PCLO: variants seen among roughly 807,000 people sequenced by gnomAD.
The protein encoded by PCLO is protein piccolo.
Under a neutral mutation model 427.5 loss-of-function variants are expected in PCLO, and 82 were observed. The ratio of observed to expected loss-of-function variants is 0.19; its 90% CI spans 0.16 to 0.23. The LOEUF (loss-of-function observed/expected upper bound fraction) is 0.23, where lower values mean the gene tolerates loss of function less well. Ranked by LOEUF, PCLO falls within the 10% of genes least tolerant of loss-of-function variation. The pLI, the probability that PCLO is intolerant of heterozygous loss-of-function variation, is 1.00. For missense variants in PCLO, 6,239 were observed against 6,115.9 expected, an observed-to-expected ratio of 1.02 and a Z score of -0.67; for synonymous variants, 2,357 against 2,155.4, an observed-to-expected ratio of 1.09 and a Z score of -2.59.
intron 3 of PCLO, among the ~76,000 whole-genome samples, chr7:83,085,144 T>C (rs950063574): frequency 9.9e-5 from 15 of 152,114 alleles, no homozygotes; most frequent in African/African-American, 3.1e-4. Context: ...AGCACAACTT[T>C]ACATAAGCCA....
At chr7:82,815,540 A>G (rs1312600403) in intron 20 of PCLO, among the ~76,000 whole-genome samples, 1 of 152,172 alleles carries the variant, frequency 6.6e-6, no homozygotes, top group Non-Finnish European at 1.5e-5. Context: ...AGTGTGATCT[A>G]TAGAACTTGA....
rs756108134 is a variant in PCLO at position 82,955,603 on chromosome 7, C to A, written c.5350G>T (p.Glu1784Ter). The A allele has an allele frequency of 1.9e-6, 3 of 1,613,822 alleles. No homozygotes were observed. Among genetic ancestry groups the A allele is most frequent in the Non-Finnish European group, 1.7e-6 (2 of 1,179,830 alleles). The change falls in exon 5 of 25, where the codon GAA becomes TAA. Residue 1784 changes from glutamate to a stop codon, truncating the protein, a stop_gained. Transcript: ENST00000333891. LOFTEE classifies it high-confidence loss of function. ...TGCTTTTCTTGCTCCTTTAATAATTCTTCTTCCTCTCTCAATTCTTCTTCC... is the reference window on the plus strand; with the variant it reads ...TGCTTTTCTTGCTCCTTTAATAATTATTCTTCCTCTCTCAATTCTTCTTCC... ...SEEEELREEEELLKEQEKQRE... is the reference protein window; with the variant it reads ...SEEEELREEE
intron 3 of PCLO, among the ~76,000 whole-genome samples, chr7:83,003,287 T>G (rs968512818): frequency 1.3e-5 from 2 of 151,694 alleles, no homozygotes; most frequent in Non-Finnish European, 2.9e-5. Context: ...AAAGTTTTTA[T>G]AAAATAAACT....
At chr7:83,046,636 A>C (rs1242560593) in intron 3 of PCLO, among the ~76,000 whole-genome samples, 1 of 152,048 alleles carries the variant, frequency 6.6e-6, no homozygotes, top group East Asian at 1.9e-4. Flanking sequence ...ATATGAATAC[A>C]TACATATCTT....
intron 3 of PCLO, among the ~76,000 whole-genome samples, chr7:83,062,103 T>C (rs1789556940): frequency 1.3e-5 from 2 of 152,148 alleles, no homozygotes; most frequent in Admixed American, 6.5e-5. Flanking sequence ...TTGGATATGT[T>C]AAATATGGAT....
intron 3 of PCLO, among the ~76,000 whole-genome samples, chr7:82,998,835 A>C (rs1472638400): frequency 6.6e-6 from 1 of 151,894 alleles, no homozygotes; most frequent in Non-Finnish European, 1.5e-5. Flanking sequence ...GAAAAGACAG[A>C]GCAAGCACAA....
At chr7:82,899,517 A>G (rs1055061642) in intron 9 of PCLO, among the ~76,000 whole-genome samples, 1 of 151,518 alleles carries the variant, frequency 6.6e-6, no homozygotes, top group African/African-American at 2.4e-5. Flanking sequence ...AGACATATGG[A>G]AAATATATTC....
intron 3 of PCLO, among the ~76,000 whole-genome samples, chr7:82,994,617 GTA>G (rs71522636): frequency 2.0e-5 from 3 of 150,040 alleles, no homozygotes; most frequent in African/African-American, 4.9e-5. Context: ...TTCATAGTAG[GTA>G]TATATATATA....
rs1312956663 is a variant in PCLO, at chr7:82,879,410, A to G, written c.13581T>C (p.Ser4527=). Residue 4527 remains serine, a synonymous_variant, in exon 10 of 25, where the codon AGT becomes AGC. Coordinates refer to ENST00000333891, the MANE Select transcript of PCLO (RefSeq NM_033026.6). ...TGGCAATATAGGCTCCAATTTCTCCACTATGTCCCGGGATTTCTTTACCAC... is the reference window on the plus strand; with the variant it reads ...TGGCAATATAGGCTCCAATTTCTCCGCTATGTCCCGGGATTTCTTTACCAC... ...IVGGKEIPGH[S]GEIGAYIAKI... is the part of the protein sequence containing the mutation. 6.2e-7 allele frequency: 1 copy of G among 1,609,744 alleles called. No individual in the cohort carries two copies. The highest frequency in any genetic ancestry group is 1.3e-5 in the African/African-American group (1 of 74,824).
intron 3 of PCLO, among the ~76,000 whole-genome samples, chr7:82,973,013 T>G (rs1795939604): frequency 6.6e-6 from 1 of 152,072 alleles, no homozygotes; most frequent in Non-Finnish European, 1.5e-5. Context: ...TGTGACATTC[T>G]GATAATTTTT....
rs557802584 is a variant in PCLO at position 82,951,240 on chromosome 7, C to T, written c.9348G>A (p.Arg3116=). 27 of 1,613,602 alleles carry T rather than the reference C, an allele frequency of 1.7e-5. No individual in the cohort carries two copies. In the South Asian group the frequency reaches 2.0e-4, roughly 12 times the overall value. ...CAGCCGTATGAATACCAGACAAATC[C>T]CTCACTGTGGTGCTGAAAATGGAGC... ...QPGSIFSTTV[R]DLSGIHTADA... is the part of the protein sequence containing the mutation. The change falls in exon 6 of 25, where the codon AGG becomes AGA. Residue 3116 remains arginine, a synonymous_variant. Transcript: ENST00000333891.
Position 82,952,391 on chromosome 7 carries a change from G to T in PCLO, c.8562C>A (p.Asn2854Lys), listed in dbSNP as rs1301272721. Residue 2854 changes from asparagine to lysine, a missense_variant, in exon 5 of 25, where the codon AAC (asparagine) becomes AAA (lysine). Transcript: ENST00000333891. The part of the protein sequence containing the change: ...FPIAREEAPI[N>K]LSLGTPAHAV... The stretch of plus-strand genomic sequence containing the variant: ...CATGTGCTGGAGTACCTAGAGATAA[G>T]TTTATTGGTGCTTCTTCCCTAGCTA... 6.2e-7 allele frequency: 1 copy of T among 1,613,900 alleles called. No homozygotes were observed. The highest frequency in any genetic ancestry group is 8.5e-7 in the Non-Finnish European group (1 of 1,179,824).
chr7:83,137,017 A>C (rs577140930), intron 2 of PCLO, among the ~76,000 whole-genome samples: 1 of 152,304 alleles, frequency 6.6e-6, no homozygotes, highest in African/African-American at 2.4e-5. Flanking sequence ...ACCCAAGGTA[A>C]CCAATGTAAA....
At chr7:82,910,393 T>C (rs1794294289) in intron 7 of PCLO, among the ~76,000 whole-genome samples, 1 of 152,074 alleles carries the variant, frequency 6.6e-6, no homozygotes, top group African/African-American at 2.4e-5. Context: ...TACTTAACCA[T>C]GGCATTTTCC....
In PCLO at chr7:83,097,035, TATTA is replaced by T. The variant is rs1562962529; in HGVS notation, c.3300+37211_3300+37214del. Among the ~76,000 whole-genome samples the T allele has an allele frequency of 2.2e-4, 13 of 59,998 alleles. 1 individual carries two copies. Among genetic ancestry groups the T allele is most frequent in the Non-Finnish European group, 2.9e-4 (11 of 38,030 alleles). 39.4% of individuals were successfully genotyped at this position (59,998 alleles called of 152,430 possible). On this transcript the variant is annotated intron_variant, in intron 3 of 24. Coordinates refer to ENST00000333891, the MANE Select transcript of PCLO (RefSeq NM_033026.6). ...ATATATTATATATTATATAAATATA[TATTA>T]TATATTATATAAATATATTATACAT...
At chr7:82,970,707 A>G (rs987087294) in intron 3 of PCLO, among the ~76,000 whole-genome samples, 14 of 151,946 alleles carry the variant, frequency 9.2e-5, no homozygotes, top group African/African-American at 3.1e-4. Flanking sequence ...ACATTTCTTT[A>G]GATATATAAA....
chr7:82,847,434 G>A (rs1377359135), intron 10 of PCLO, among the ~76,000 whole-genome samples, 187 bp from the exon 11 acceptor site: 1 of 152,028 alleles, frequency 6.6e-6, no homozygotes, highest in Non-Finnish European at 1.5e-5. Flanking sequence ...TAACTTACCT[G>A]AACACATAAA....
At chr7:83,090,328 C>A (rs1790347868) in intron 3 of PCLO, among the ~76,000 whole-genome samples, 1 of 152,030 alleles carries the variant, frequency 6.6e-6, no homozygotes, top group South Asian at 2.1e-4. Flanking sequence ...GCACATATAG[C>A]CAGAAATCCA....
chr7:83,150,243 C>G (rs78684560), intron 2 of PCLO, among the ~76,000 whole-genome samples: 2,162 of 152,214 alleles, frequency 0.014, 21 homozygotes, highest in Non-Finnish European at 0.021. Context: ...AATTAGAAAG[C>G]AAACGTTCAG....
Sources: gnomAD v4.1 joint callset for allele counts (sites outside exome capture counted in the v4.1 genomes callset) on GRCh38, gnomAD v4.1.1 for gene constraint, MANE v1.5 for transcripts, NCBI Gene and HGNC (gene_info 2026-07-23, HGNC 2026-07-21) for gene names.